The following WWOX variants were observed in gnomAD, a reference collection of about 807,000 sequenced individuals.
The protein encoded by WWOX is WW domain containing oxidoreductase.
Under a neutral mutation model 46.2 loss-of-function variants are expected in WWOX, and 69 were observed. The observed-to-expected ratio is 1.49, with a 90% CI of 1.23 to 1.82. The LOEUF (loss-of-function observed/expected upper bound fraction) is 1.82, where lower values mean the gene tolerates loss of function less well. Among genes scored for constraint, WWOX ranks in the 40% most tolerant of loss-of-function variants. The probability of loss-of-function intolerance (pLI) is 0.00; values close to 1 mark genes in which losing one functional copy is unlikely to be tolerated. For synonymous variants in WWOX, 359 were observed against 202.6 expected, an observed-to-expected ratio of 1.77 and a Z score of -6.56; for missense variants, 919 against 542.6, an observed-to-expected ratio of 1.69 and a Z score of -6.89.
intron 8 of WWOX, among the ~76,000 whole-genome samples, chr16:79,086,807 T>A (rs1427979833): frequency 6.6e-6 from 1 of 152,170 alleles, no homozygotes; most frequent in East Asian, 1.9e-4. Context: ...TGCTTCACGC[T>A]GGGAGGTGAA....
chr16:78,790,906 C>G (rs1459605328), intron 8 of WWOX, among the ~76,000 whole-genome samples: 3 of 149,896 alleles, frequency 2.0e-5, no homozygotes, highest in African/African-American at 7.4e-5. Flanking sequence ...GTGGTCCCAG[C>G]TACTCAGGAG....
intron 8 of WWOX, among the ~76,000 whole-genome samples, chr16:78,815,947 A>T (rs1010041922): frequency 3.3e-5 from 5 of 152,096 alleles, no homozygotes; most frequent in African/African-American, 9.7e-5. Context: ...CTCTCTCTCG[A>T]TGTTCCCAAG....
intron 8 of WWOX, among the ~76,000 whole-genome samples, chr16:78,955,065 G>A (rs529279497): frequency 6.6e-6 from 1 of 152,276 alleles, no homozygotes; most frequent in South Asian, 2.1e-4. Flanking sequence ...TATTGGGAAT[G>A]TATTCTTTCC....
rs201477347 is a variant in WWOX at position 78,692,229 on chromosome 16, T to G, written c.1056+259477T>G. On this transcript the variant is annotated intron_variant, in intron 8 of 8. Coordinates refer to ENST00000566780, the MANE Select transcript of WWOX (RefSeq NM_016373.4). ...GAACTGTCTAACTCCTAAGGTTTTATTAATATCTAGTCCATTTCTCTCAAT... is the reference window on the plus strand; with the variant it reads ...GAACTGTCTAACTCCTAAGGTTTTAGTAATATCTAGTCCATTTCTCTCAAT... 3.3e-4 allele frequency among the ~76,000 whole-genome samples: 51 copies of G among 152,348 alleles called. 1 individual carries two copies. The East Asian group carries it at 7.9e-3, about 24-fold the overall frequency.
chr16:78,724,027 C>G (rs1232620613), intron 8 of WWOX, among the ~76,000 whole-genome samples: 1 of 152,086 alleles, frequency 6.6e-6, no homozygotes, highest in South Asian at 2.1e-4. Context: ...ATGCATAGGA[C>G]TACATGTTTT....
rs145408296 is a variant in WWOX, at chr16:79,093,968, T to C, written c.1057-117640T>C. Reference sequence around the variant, plus strand: ...CCTTCTATCACTTAGTACCGTGTCATATACCACTTCCACAAATGCTAGGGA... The same window carrying C: ...CCTTCTATCACTTAGTACCGTGTCACATACCACTTCCACAAATGCTAGGGA... On this transcript the variant is annotated intron_variant, in intron 8 of 8. Transcript: ENST00000566780. Among the ~76,000 whole-genome samples, 542 of 152,276 alleles carry C rather than the reference T, an allele frequency of 3.6e-3. 4 individuals are homozygous for C. The highest frequency in any genetic ancestry group is 9.8e-3 in the African/African-American group (409 of 41,544).
intron 5 of WWOX, among the ~76,000 whole-genome samples, chr16:78,368,290 T>C (rs1287238432): frequency 6.6e-6 from 1 of 152,168 alleles, no homozygotes; most frequent in Non-Finnish European, 1.5e-5. Context: ...GTAGGTCCTA[T>C]ATGAGTGATG....
intron 8 of WWOX, among the ~76,000 whole-genome samples, chr16:78,926,916 C>T (rs925385185): frequency 6.6e-6 from 1 of 152,140 alleles, no homozygotes; most frequent in South Asian, 2.1e-4. Flanking sequence ...CCCACCTCAG[C>T]TTCCTAAGTA....
chr16:78,962,206 T>G (rs2046283574), intron 8 of WWOX, among the ~76,000 whole-genome samples: 1 of 151,672 alleles, frequency 6.6e-6, no homozygotes, highest in Non-Finnish European at 1.5e-5. Flanking sequence ...GTGGATGACT[T>G]TCTGTGTGAT....
intron 8 of WWOX, among the ~76,000 whole-genome samples, chr16:78,523,241 C>G (rs2043387637): frequency 2.0e-5 from 3 of 152,086 alleles, no homozygotes; most frequent in African/African-American, 7.2e-5. Flanking sequence ...AACCAAAGGA[C>G]CTAAATAAAA....
rs2151934196 is a variant in WWOX, at chr16:78,386,956, T to A, written c.605+8T>A. ...ATTCAAGGCCAAGAATGTGTGAGTG[T>A]TCCAGTGGAGGGTTATAGATCATAA... On this transcript the variant is annotated splice_region_variant and intron_variant, in intron 6 of 8. Coordinates refer to ENST00000566780, the MANE Select transcript of WWOX (RefSeq NM_016373.4). The A allele has an allele frequency of 6.2e-7, 1 of 1,612,788 alleles. No individual in the cohort carries two copies. Among genetic ancestry groups the A allele is most frequent in the East Asian group, 2.2e-5 (1 of 44,878 alleles).
chr16:78,542,412 C>A (rs1337927833), intron 8 of WWOX, among the ~76,000 whole-genome samples: 1 of 152,122 alleles, frequency 6.6e-6, no homozygotes, highest in Non-Finnish European at 1.5e-5. Context: ...TTGCAGGGAC[C>A]TGCAGTCAGC....
intron 8 of WWOX, among the ~76,000 whole-genome samples, chr16:78,926,385 A>G (rs1321329119): frequency 6.6e-6 from 1 of 152,094 alleles, no homozygotes; most frequent in Non-Finnish European, 1.5e-5. Context: ...AAAAAAAAAA[A>G]AAGTTCCTAA....
chr16:78,686,488 G>C (rs1356262933), intron 8 of WWOX, among the ~76,000 whole-genome samples: 1 of 150,066 alleles, frequency 6.7e-6, no homozygotes, highest in Non-Finnish European at 1.5e-5. Context: ...TCCAGCCTGG[G>C]GGACAGAGCG....
chr16:78,190,657 C>T (rs2035856347), intron 5 of WWOX, among the ~76,000 whole-genome samples: 1 of 152,152 alleles, frequency 6.6e-6, no homozygotes, highest in Admixed American at 6.6e-5. Context: ...ACTGTAATCA[C>T]ACTGGCATGG....
At chr16:78,194,782 C>T (rs1179390112) in intron 5 of WWOX, among the ~76,000 whole-genome samples, 1 of 135,994 alleles carries the variant, frequency 7.4e-6, no homozygotes, top group Non-Finnish European at 1.6e-5. Flanking sequence ...CTGGTTTAAC[C>T]ATCAACCCTC....
chr16:78,255,161 A>G lies in WWOX; in HGVS notation c.516+90872A>G, dbSNP rs545020771. ...TTTTCTAGACCATTTAATGTTTGCCATAACCCATAAGGGTATAACTGTCTT... is the reference window on the plus strand; with the variant it reads ...TTTTCTAGACCATTTAATGTTTGCCGTAACCCATAAGGGTATAACTGTCTT... On this transcript the variant is annotated intron_variant, in intron 5 of 8. Transcript: ENST00000566780. Among the ~76,000 whole-genome samples the G allele has an allele frequency of 1.2e-3, 176 of 152,322 alleles. 1 individual carries two copies. The highest frequency in any genetic ancestry group is 2.1e-3 in the Non-Finnish European group (142 of 68,040).
intron 8 of WWOX, among the ~76,000 whole-genome samples, chr16:78,827,106 C>T (rs1475194813): frequency 6.6e-6 from 1 of 152,122 alleles, no homozygotes; most frequent in Non-Finnish European, 1.5e-5. Flanking sequence ...CTCTCCTCTC[C>T]AGAACTCCAG....
At chr16:78,233,081 A>G (rs754660767) in intron 5 of WWOX, among the ~76,000 whole-genome samples, 6 of 152,332 alleles carry the variant, frequency 3.9e-5, no homozygotes, top group Non-Finnish European at 8.8e-5. Flanking sequence ...AAGGAAGGCC[A>G]AGAAAGAAAT....
Sources: allele counts gnomAD v4.1 joint callset (sites outside exome capture counted in the v4.1 genomes callset), GRCh38; gene constraint gnomAD v4.1.1; transcripts MANE v1.5; gene names NCBI Gene and HGNC (gene_info 2026-07-23, HGNC 2026-07-21).